Variants in SUGCT observed in about 807,000 individuals in gnomAD.
SUGCT encodes succinyl-CoA:glutarate CoA-transferase.
A neutral mutation model predicts 55.0 loss-of-function variants in SUGCT; 41 were observed. The observed-to-expected ratio is 0.74, with a 90% CI of 0.58 to 0.97. SUGCT has a LOEUF of 0.97. SUGCT is among the 50% of genes least tolerant of loss of function. The pLI is 0.00. For synonymous variants in SUGCT, 187 were observed against 200.4 expected (o/e 0.93, Z 0.56); for missense variants, 568 against 547.8 (o/e 1.04, Z -0.37).
intron 6 of SUGCT, among the ~76,000 whole-genome samples, chr7:40,215,739 G>A (rs1223823280): frequency 6.6e-6 from 1 of 151,978 alleles, no homozygotes; most frequent in Admixed American, 6.6e-5. Flanking sequence ...GCGGGCGCCT[G>A]TAGTCCCAGC....
the SUGCT span, among the ~76,000 whole-genome samples, chr7:40,972,575 C>T: frequency 0.013 from 1,953 of 152,302 alleles, 35 homozygotes; most frequent in African/African-American, 0.042. Context: ...AGGGAATCTA[C>T]TTCTGCTTTG....
chr7:40,217,170 G>A (rs920908014), intron 6 of SUGCT, among the ~76,000 whole-genome samples: 15 of 151,980 alleles, frequency 9.9e-5, no homozygotes, highest in African/African-American at 2.7e-4. Flanking sequence ...ACCCTTCTCC[G>A]TTGCCCACCA....
chr7:40,531,659 T>G (rs1365805973), intron 12 of SUGCT, among the ~76,000 whole-genome samples: 1 of 151,678 alleles, frequency 6.6e-6, no homozygotes, highest in Admixed American at 6.6e-5. Flanking sequence ...TTTTAAAATA[T>G]GTATATATAT....
intron 13 of SUGCT, among the ~76,000 whole-genome samples, chr7:40,812,984 A>T (rs568184203): frequency 6.6e-6 from 1 of 152,232 alleles, no homozygotes; most frequent in East Asian, 1.9e-4. Flanking sequence ...ATCAGAAGTC[A>T]TTCAGGGGCA....
intron 8 of SUGCT, among the ~76,000 whole-genome samples, chr7:40,298,234 G>A (rs1424103994): frequency 6.6e-6 from 1 of 151,940 alleles, no homozygotes; most frequent in Non-Finnish European, 1.5e-5. Context: ...AAGTAGGCCT[G>A]AGGCTGAAAG....
At chr7:40,451,455 C>T (rs1161665982) in intron 10 of SUGCT, among the ~76,000 whole-genome samples, 3 of 152,064 alleles carry the variant, frequency 2.0e-5, no homozygotes, top group African/African-American at 7.2e-5. Context: ...TGAAATATGA[C>T]TTATTGTTAT....
At chr7:40,682,092 T>C (rs1395073795) in intron 12 of SUGCT, among the ~76,000 whole-genome samples, 1 of 152,200 alleles carries the variant, frequency 6.6e-6, no homozygotes, top group Non-Finnish European at 1.5e-5. Flanking sequence ...CATTTACTTC[T>C]CAAGGCTAGC....
At chr7:40,478,432 T>C (rs188463534) in intron 11 of SUGCT, among the ~76,000 whole-genome samples, 38 of 152,342 alleles carry the variant, frequency 2.5e-4, no homozygotes, top group Admixed American at 2.4e-3. Context: ...TATGTGCTTT[T>C]ATTGATGATG....
At chr7:40,618,488 T>A (rs1401482214) in intron 12 of SUGCT, among the ~76,000 whole-genome samples, 2 of 152,228 alleles carry the variant, frequency 1.3e-5, no homozygotes, top group African/African-American at 2.4e-5. Flanking sequence ...AACTTTGTTT[T>A]CATGACCAAA....
At chr7:40,632,959 C>A (rs1799856021) in intron 12 of SUGCT, among the ~76,000 whole-genome samples, 1 of 152,104 alleles carries the variant, frequency 6.6e-6, no homozygotes, top group African/African-American at 2.4e-5. Context: ...AAAGTCAAGC[C>A]ATGTTGGTTC....
At chr7:40,705,635 A>T (rs967531746) in intron 12 of SUGCT, among the ~76,000 whole-genome samples, 3 of 152,184 alleles carry the variant, frequency 2.0e-5, no homozygotes, top group Non-Finnish European at 4.4e-5. Flanking sequence ...ACTACATTTC[A>T]TCCTAAAATT....
intron 6 of SUGCT, among the ~76,000 whole-genome samples, chr7:40,214,984 C>T (rs941527669): frequency 3.3e-5 from 5 of 151,774 alleles, no homozygotes; most frequent in Non-Finnish European, 5.9e-5. Flanking sequence ...GGAGAGAATG[C>T]GTATGTCTAC....
At chr7:40,890,028 A>C in the SUGCT span, among the ~76,000 whole-genome samples, 1 of 151,884 alleles carries the variant, frequency 6.6e-6, no homozygotes, top group Non-Finnish European at 1.5e-5. Context: ...CAGTGACAGC[A>C]TATCTGACAT....
chr7:40,303,068 C>G (rs1794632736), intron 8 of SUGCT, among the ~76,000 whole-genome samples: 1 of 152,098 alleles, frequency 6.6e-6, no homozygotes, highest in Non-Finnish European at 1.5e-5. Flanking sequence ...GAGTCTTGCC[C>G]TGTCACCCAG....
At chr7:40,291,388 A>G (rs555466384) in intron 8 of SUGCT, among the ~76,000 whole-genome samples, 1,972 of 150,638 alleles carry the variant, frequency 0.013, 15 homozygotes, top group Non-Finnish European at 0.021. Flanking sequence ...CATCATTCTC[A>G]GCAAACTATT....
chr7:40,373,389 T>TTAGAATCTATAGATTC (rs1784395985), intron 9 of SUGCT, among the ~76,000 whole-genome samples: 1 of 7,498 alleles, frequency 1.3e-4, no homozygotes, highest in Non-Finnish European at 3.9e-4. Flanking sequence ...TATATAGAAT[T>TTAGAATCTATAGATTC]TAGATCAATG....
At chr7:40,196,732 A>G (rs1412401480) in intron 6 of SUGCT, among the ~76,000 whole-genome samples, 2 of 152,170 alleles carry the variant, frequency 1.3e-5, no homozygotes, top group Non-Finnish European at 2.9e-5. Flanking sequence ...AGGTTTTGCC[A>G]TGTTGGCCAG....
At chr7:40,975,644 G>C in the SUGCT span, among the ~76,000 whole-genome samples, 2 of 152,290 alleles carry the variant, frequency 1.3e-5, no homozygotes, top group South Asian at 4.1e-4. Flanking sequence ...TAGTCAGTGA[G>C]AAATGGGAAG....
the SUGCT span, among the ~76,000 whole-genome samples, chr7:40,918,665 A>T: frequency 6.6e-6 from 1 of 152,162 alleles, no homozygotes; most frequent in African/African-American, 2.4e-5. Context: ...ATTCTGGAAG[A>T]TGATCGAAAT....
Sources: allele counts gnomAD v4.1 joint callset (sites outside exome capture counted in the v4.1 genomes callset), GRCh38; gene constraint gnomAD v4.1.1; transcripts MANE v1.5; gene names NCBI Gene and HGNC (gene_info 2026-07-23, HGNC 2026-07-21).